CSMD3: variants seen among roughly 807,000 people sequenced by gnomAD.
CSMD3 encodes CUB and sushi domain-containing protein 3.
Under a neutral mutation model 435.2 loss-of-function variants are expected in CSMD3, and 177 were observed. The ratio of observed to expected loss-of-function variants is 0.41; its 90% CI spans 0.36 to 0.46. The LOEUF (loss-of-function observed/expected upper bound fraction) is 0.46. Ranked by LOEUF, CSMD3 falls within the 20% of genes least tolerant of loss-of-function variation. The probability of loss-of-function intolerance (pLI) is 0.34; values close to 1 mark genes in which losing one functional copy is unlikely to be tolerated. For synonymous variants in CSMD3, 1,656 were observed against 1,520.5 expected (o/e 1.09, Z -2.07); for missense variants, 4,265 against 4,504.6 (o/e 0.95, Z 1.52).
chr8:112,463,532 T>A (rs573800646), intron 32 of CSMD3, among the ~76,000 whole-genome samples: 3 of 152,342 alleles, frequency 2.0e-5, no homozygotes, highest in African/African-American at 4.8e-5. Flanking sequence ...AGAGCTATGC[T>A]GCTTTGTGCT....
intron 5 of CSMD3, among the ~76,000 whole-genome samples, chr8:113,027,959 G>A (rs1203638911): frequency 6.6e-6 from 1 of 152,024 alleles, no homozygotes; most frequent in Non-Finnish European, 1.5e-5. Context: ...TAAATGCACA[G>A]TTTGCATAGA....
chr8:112,923,824 G>C (rs1283038863), intron 9 of CSMD3, among the ~76,000 whole-genome samples: 15 of 152,168 alleles, frequency 9.9e-5, no homozygotes, highest in Non-Finnish European at 8.8e-5. Context: ...CAGATTTATT[G>C]GTTGCTATCA....
chr8:113,326,036 A>G (rs1437930554), intron 1 of CSMD3, among the ~76,000 whole-genome samples: 1 of 152,184 alleles, frequency 6.6e-6, no homozygotes, highest in Non-Finnish European at 1.5e-5. Flanking sequence ...AGAAGTAAAA[A>G]CACCTATTTT....
At chr8:113,070,039 CCTGA>C (rs1317426047) in intron 5 of CSMD3, among the ~76,000 whole-genome samples, 1 of 152,014 alleles carries the variant, frequency 6.6e-6, no homozygotes, top group Non-Finnish European at 1.5e-5. Context: ...TTCCCTAGAC[CCTGA>C]CTGACTGATG....
chr8:112,988,169 C>T (rs972115885), intron 6 of CSMD3, among the ~76,000 whole-genome samples: 2 of 151,998 alleles, frequency 1.3e-5, no homozygotes, highest in Non-Finnish European at 2.9e-5. Flanking sequence ...GATTCTTGCG[C>T]AAATCAAGGG....
chr8:113,184,514 T>C (rs2092470084), intron 3 of CSMD3, among the ~76,000 whole-genome samples: 1 of 152,000 alleles, frequency 6.6e-6, no homozygotes, highest in Non-Finnish European at 1.5e-5. Flanking sequence ...TTTTAGGAGT[T>C]GTATGCCAAA....
intron 32 of CSMD3, among the ~76,000 whole-genome samples, chr8:112,433,654 C>CAAAAAAAAAAAAAAAAAAAAAAAAA (rs35572894): frequency 5.4e-5 from 5 of 93,178 alleles, no homozygotes; most frequent in Non-Finnish European, 4.2e-5. Context: ...GAGAACCTGT[C>CAAAAAAAAAAAAAAAAAAAAAAAAA]AAAAAAAAAA....
rs1375851720 is a variant in CSMD3, at chr8:112,311,016, C to T, written c.7847G>A (p.Gly2616Glu). Residue 2616 changes from glycine to glutamate, a missense_variant, in exon 50 of 71, where the codon GGG becomes GAG. Coordinates refer to ENST00000297405, the MANE Select transcript of CSMD3 (RefSeq NM_198123.2). ...GACTGGCGCATCCCATGCATGATACCCATAGGAAGACTTTCTGCACACAGC... is the reference window on the plus strand; with the variant it reads ...GACTGGCGCATCCCATGCATGATACTCATAGGAAGACTTTCTGCACACAGC... ...SSAVCRKSSYGYHAWDAPVPA... is the reference protein window; with the variant it reads ...SSAVCRKSSYEYHAWDAPVPA... 3 of 1,613,918 alleles carry T rather than the reference C, an allele frequency of 1.9e-6. No homozygotes were observed. Among genetic ancestry groups the T allele is most frequent in the Admixed American group, 1.7e-5 (1 of 59,992 alleles).
intron 7 of CSMD3, among the ~76,000 whole-genome samples, chr8:112,967,946 A>T (rs1364732923): frequency 6.6e-6 from 1 of 151,964 alleles, no homozygotes; most frequent in African/African-American, 2.4e-5. Context: ...ATGAGTGAAT[A>T]AATACATAGT....
rs2084838998 is a variant in CSMD3 at position 112,976,136 on chromosome 8, A to G, written c.1043T>C (p.Leu348Ser). Residue 348 changes from leucine to serine, a missense_variant, in exon 7 of 71, where the codon TTG (leucine) becomes TCG (serine). Transcript: ENST00000297405. Reference protein sequence around the residue: ...FSAPYQGSSTLTHTTSTGELE... With the variant: ...FSAPYQGSSTSTHTTSTGELE... ...CTCACCAGTGGAGGTAGTGTGGGTC[A>G]ATGTAGAAGAACCTGTGGGACACAG... The G allele has an allele frequency of 6.2e-7, 1 of 1,613,848 alleles. No individual in the cohort carries two copies. Among genetic ancestry groups the G allele is most frequent in the Admixed American group, 1.7e-5 (1 of 59,964 alleles).
chr8:112,341,278 C>G (rs2130988817), intron 42 of CSMD3, among the ~76,000 whole-genome samples, 199 bp downstream of exon 42: 1 of 151,782 alleles, frequency 6.6e-6, no homozygotes, highest in East Asian at 1.9e-4. Flanking sequence ...TCTAAGGTCT[C>G]AGAGAGACAT....
chr8:112,835,892 A>G (rs2080008969), intron 11 of CSMD3, among the ~76,000 whole-genome samples: 1 of 151,900 alleles, frequency 6.6e-6, no homozygotes. Flanking sequence ...CCATTTCTAG[A>G]GAAATCAGTA....
At chr8:112,341,426 A>G in intron 42 of CSMD3, 51 bp downstream of exon 42, 1 of 1,150,678 alleles carries the variant, frequency 8.7e-7, no homozygotes, top group Non-Finnish European at 1.3e-6. Context: ...AAATATTTCT[A>G]ATAGCTGATT....
At chr8:112,690,957 C>T (rs1419403433) in intron 13 of CSMD3, among the ~76,000 whole-genome samples, 1 of 152,026 alleles carries the variant, frequency 6.6e-6, no homozygotes, top group Non-Finnish European at 1.5e-5. Context: ...CGACACATTG[C>T]TAGTTCCTCC....
At chr8:112,385,155 A>G (rs976544825) in intron 36 of CSMD3, among the ~76,000 whole-genome samples, 11 of 152,232 alleles carry the variant, frequency 7.2e-5, no homozygotes, top group African/African-American at 2.7e-4. Flanking sequence ...CAGTAGCTAA[A>G]TACAAGAGAA....
intron 12 of CSMD3, among the ~76,000 whole-genome samples, chr8:112,823,827 T>C (rs958253073): frequency 6.6e-6 from 1 of 152,182 alleles, no homozygotes; most frequent in African/African-American, 2.4e-5. Context: ...TCTGTAGATG[T>C]CTATTAGGTC....
chr8:113,237,214 A>G (rs1183916163), intron 3 of CSMD3, among the ~76,000 whole-genome samples: 1 of 152,196 alleles, frequency 6.6e-6, no homozygotes, highest in African/African-American at 2.4e-5. Flanking sequence ...AATGTGCCAC[A>G]CAGCCAAGAA....
chr8:112,249,466 G>T (rs866127506), intron 63 of CSMD3, among the ~76,000 whole-genome samples: 1 of 150,952 alleles, frequency 6.6e-6, no homozygotes, highest in Non-Finnish European at 1.5e-5. Context: ...GCTGCTGCCG[G>T]TTAGGCGCTA....
chr8:113,428,204 A>ATATCTATCTATCTATC (rs36077177), intron 1 of CSMD3, among the ~76,000 whole-genome samples: 6 of 146,116 alleles, frequency 4.1e-5, no homozygotes, highest in Non-Finnish European at 3.0e-5. Flanking sequence ...CAACTGTGGG[A>ATATCTATCTATCTATC]TATCTATCTA....
Sources: allele counts gnomAD v4.1 joint callset (sites outside exome capture counted in the v4.1 genomes callset), GRCh38; gene constraint gnomAD v4.1.1; transcripts MANE v1.5; gene names NCBI Gene and HGNC (gene_info 2026-07-23, HGNC 2026-07-21).